The following CDC42 variants were observed in gnomAD, a reference collection of about 807,000 sequenced individuals.
The protein encoded by CDC42 is cell division control protein 42 homolog.
CDC42 carries 1 observed loss-of-function variant against 20.8 expected under a neutral mutation model. The observed-to-expected ratio is 0.05, with a 90% CI of 0.02 to 0.23. The LOEUF (loss-of-function observed/expected upper bound fraction) is 0.23. Among genes scored for constraint, CDC42 ranks in the 10% least tolerant of loss-of-function variants. CDC42 has a pLI of 1.00. For missense variants in CDC42, 49 were observed against 227.9 expected, an observed-to-expected ratio of 0.21 and a Z score of 5.05; for synonymous variants, 72 against 84.8, an observed-to-expected ratio of 0.85 and a Z score of 0.83.
intron 1 of CDC42, among the ~76,000 whole-genome samples, chr1:22,061,537 T>C (rs1264809666): frequency 8.3e-4 from 10 of 12,030 alleles, no homozygotes; most frequent in Admixed American, 2.4e-3. Flanking sequence ...TCTTTCTTTT[T>C]TTTTTTTTTT....
At chr1:22,061,130 G>A (rs1645357877) in intron 1 of CDC42, among the ~76,000 whole-genome samples, 1 of 152,196 alleles carries the variant, frequency 6.6e-6, no homozygotes, top group African/African-American at 2.4e-5. Context: ...AACCCAGCCG[G>A]GCAGAGTGGC....
intron 3 of CDC42, among the ~76,000 whole-genome samples, chr1:22,084,062 G>A (rs1645634823): frequency 1.3e-5 from 2 of 152,244 alleles, no homozygotes; most frequent in South Asian, 4.2e-4. Flanking sequence ...GGATGTTTGG[G>A]TTCCAGTTTT....
intron 1 of CDC42, among the ~76,000 whole-genome samples, chr1:22,065,539 G>GT (rs1296563912): frequency 6.6e-6 from 1 of 152,056 alleles, no homozygotes; most frequent in East Asian, 1.9e-4. Flanking sequence ...TTAATTTTGC[G>GT]TAAGAATAAG....
chr1:22,057,348 A>T (rs930539740), intron 1 of CDC42, among the ~76,000 whole-genome samples: 3 of 152,180 alleles, frequency 2.0e-5, no homozygotes, highest in Admixed American at 6.5e-5. Context: ...TTTAATAACC[A>T]TCCTTCTCCC....
intron 2 of CDC42, among the ~76,000 whole-genome samples, chr1:22,080,725 C>T (rs1201131846): frequency 1.3e-5 from 2 of 152,190 alleles, no homozygotes; most frequent in Non-Finnish European, 2.9e-5. Context: ...TTAAACCTCC[C>T]ATTTTCACAA....
rs1224312121 is a variant in CDC42, at chr1:22,093,865, T to C, written c.*2348T>C. Among the ~76,000 whole-genome samples, 2 of 152,230 alleles carry C rather than the reference T, an allele frequency of 1.3e-5. No individual in the cohort carries two copies. The highest frequency in any genetic ancestry group is 6.5e-5 in the Admixed American group (1 of 15,286). ...TCCTAAAGCAATGCTTGACATGATATGGCTCTAGAAGTAGTCATTGGATGG... is the reference window on the plus strand; with the variant it reads ...TCCTAAAGCAATGCTTGACATGATACGGCTCTAGAAGTAGTCATTGGATGG... On this transcript the variant is annotated 3_prime_UTR_variant, in exon 6 of 6. Transcript: ENST00000656825.
chr1:22,066,420 A>G (rs1645424504), intron 1 of CDC42, among the ~76,000 whole-genome samples: 1 of 152,190 alleles, frequency 6.6e-6, no homozygotes, highest in Admixed American at 6.5e-5. Context: ...TGTGACTAAA[A>G]ATAACATGGT....
intron 5 of CDC42, among the ~76,000 whole-genome samples, chr1:22,089,603 C>T (rs116038202): frequency 1.4e-3 from 206 of 152,270 alleles, no homozygotes; most frequent in African/African-American, 4.8e-3. Context: ...ACATAGCATG[C>T]CTGTTAGTCT....
chr1:22,077,361 A>T (rs1645563412), intron 1 of CDC42, among the ~76,000 whole-genome samples: 1 of 152,098 alleles, frequency 6.6e-6, no homozygotes, highest in Non-Finnish European at 1.5e-5. Context: ...ATTTACAGGG[A>T]TGTTAATAGG....
rs150055393 is a variant in CDC42, at chr1:22,068,018, G to A, written c.-50-10411G>A. Among the ~76,000 whole-genome samples the A allele has an allele frequency of 2.2e-3, 341 of 152,164 alleles. 4 individuals carry two copies. Among genetic ancestry groups the A allele is most frequent in the Non-Finnish European group, 4.1e-3 (281 of 67,990 alleles). On this transcript the variant is annotated intron_variant, in intron 1 of 5. Transcript: ENST00000656825. ...ATCCCTTGAGCCCAGGAAGGTTGAC[G>A]CTGCAGTGAGCTGTGATTGAGCCAC...
intron 1 of CDC42, among the ~76,000 whole-genome samples, chr1:22,058,312 T>C (rs1645325895): frequency 6.6e-6 from 1 of 152,212 alleles, no homozygotes; most frequent in African/African-American, 2.4e-5. Flanking sequence ...TTTATTTTCC[T>C]ATGGAAGCAT....
At chr1:22,090,132 C>T in intron 5 of CDC42, 1 of 1,463,572 alleles carries the variant, frequency 6.8e-7, no homozygotes, top group South Asian at 1.4e-5. Context: ...TTGAAAGCCT[C>T]TGCGTCTTTT....
In CDC42 at chr1:22,093,394, C is replaced by T. The variant is rs1260966248; in HGVS notation, c.*1877C>T. Among the ~76,000 whole-genome samples the T allele has an allele frequency of 6.6e-6, 1 of 152,184 alleles. No homozygotes were observed. Among genetic ancestry groups the T allele is most frequent in the Non-Finnish European group, 1.5e-5 (1 of 68,022 alleles). Reference sequence around the variant, plus strand: ...TAGCCAAGTTTGGGAATCACCACACCTAGTTGGTTATCTCAAACTACTACT... The same window carrying T: ...TAGCCAAGTTTGGGAATCACCACACTTAGTTGGTTATCTCAAACTACTACT... On this transcript the variant is annotated 3_prime_UTR_variant, in exon 6 of 6. Coordinates refer to ENST00000656825, the MANE Select transcript of CDC42 (RefSeq NM_001791.4).
At chr1:22,090,371 T>G (rs1645703573) in intron 5 of CDC42, 2 of 1,027,360 alleles carry the variant, frequency 1.9e-6, no homozygotes, top group African/African-American at 1.7e-5. Flanking sequence ...CTTCTAGATC[T>G]TAGTTCTAGA....
rs1184649912 is a variant in CDC42 at position 22,091,657 on chromosome 1, G to A, written c.*140G>A. Reference sequence around the variant, plus strand: ...CCTGCACCTACCCACATGCACTCGTGTGAGACAAGGCCCATAGGTATGGCC... The same window carrying A: ...CCTGCACCTACCCACATGCACTCGTATGAGACAAGGCCCATAGGTATGGCC... On this transcript the variant is annotated 3_prime_UTR_variant, in exon 6 of 6. Transcript: ENST00000656825. 1.2e-5 allele frequency: 6 copies of A among 514,816 alleles called. No homozygotes were observed. Among genetic ancestry groups the A allele is most frequent in the Non-Finnish European group, 2.1e-5 (6 of 290,316 alleles). The allele number at this position is 514,816 out of a possible 1,614,324, so 31.9% of individuals were successfully genotyped here. A position where few individuals can be genotyped will look rare whatever the true frequency, so the allele number is the denominator to read the frequency against.
intron 1 of CDC42, among the ~76,000 whole-genome samples, chr1:22,073,353 G>A (rs1204284415): frequency 4.6e-5 from 7 of 151,822 alleles, no homozygotes; most frequent in Non-Finnish European, 1.0e-4. Flanking sequence ...CCTGGCCAAT[G>A]TGGCGAAACC....
chr1:22,064,085 G>GCC (rs1645394790), intron 1 of CDC42: 1 of 104,868 alleles, frequency 9.5e-6, no homozygotes, highest in African/African-American at 2.8e-5. Context: ...TTTTTTTTTT[G>GCC]TTACATTAAC....
chr1:22,079,890 C>T (rs1645591054), intron 2 of CDC42, among the ~76,000 whole-genome samples: 1 of 152,060 alleles, frequency 6.6e-6, no homozygotes. Flanking sequence ...TTGTGTTGTA[C>T]ATCTCTGGAA....
chr1:22,056,677 T>G (rs1645307756), intron 1 of CDC42, among the ~76,000 whole-genome samples: 1 of 152,256 alleles, frequency 6.6e-6, no homozygotes, highest in Non-Finnish European at 1.5e-5. Context: ...AAAACTCTTC[T>G]GGGACATTGA....
Sources: gnomAD v4.1 joint callset for allele counts (sites outside exome capture counted in the v4.1 genomes callset) on GRCh38, gnomAD v4.1.1 for gene constraint, MANE v1.5 for transcripts, NCBI Gene and HGNC (gene_info 2026-07-23, HGNC 2026-07-21) for gene names.